Variants in STK3 observed in about 807,000 individuals in gnomAD.
The protein encoded by STK3 is serine/threonine kinase 3.
Under a neutral mutation model 58.0 loss-of-function variants are expected in STK3, and 41 were observed. The ratio of observed to expected loss-of-function variants is 0.71; its 90% CI spans 0.55 to 0.92. STK3 has a LOEUF of 0.92. Ranked by LOEUF, STK3 falls within the 40% of genes least tolerant of loss-of-function variation. The pLI is 0.00. For synonymous variants in STK3, 170 were observed against 191.0 expected (o/e 0.89, Z 0.91); for missense variants, 479 against 602.7 (o/e 0.79, Z 2.15).
intron 6 of STK3, among the ~76,000 whole-genome samples, chr8:98,653,808 C>G (rs1369123108): frequency 6.6e-6 from 1 of 152,110 alleles, no homozygotes; most frequent in Non-Finnish European, 1.5e-5. Context: ...CTGAATAGAA[C>G]AATAACAGGC....
chr8:98,715,413 A>G (rs993063217), intron 4 of STK3, among the ~76,000 whole-genome samples: 11 of 152,158 alleles, frequency 7.2e-5, no homozygotes, highest in Admixed American at 1.3e-4. Context: ...CAGAATCTAC[A>G]ATGAACTCAA....
intron 6 of STK3, among the ~76,000 whole-genome samples, chr8:98,635,819 G>C (rs2130557896): frequency 6.6e-6 from 1 of 151,912 alleles, no homozygotes; most frequent in East Asian, 1.9e-4. Context: ...ATTTTACTAT[G>C]CATCAGAATT....
chr8:98,587,910 A>G (rs1405748482), intron 7 of STK3, among the ~76,000 whole-genome samples: 1 of 152,128 alleles, frequency 6.6e-6, no homozygotes, highest in Non-Finnish European at 1.5e-5. Context: ...ATCAGAGACT[A>G]GGATTGCAAC....
intron 2 of STK3, among the ~76,000 whole-genome samples, chr8:98,769,452 G>A (rs944556609): frequency 7.9e-5 from 12 of 152,170 alleles, no homozygotes; most frequent in Non-Finnish European, 1.2e-4. Flanking sequence ...ATCCATGTAC[G>A]ATGTGACCTG....
chr8:98,478,001 T>C lies in STK3; in HGVS notation c.1318-22001A>G, dbSNP rs568247936. Among the ~76,000 whole-genome samples, 9 of 152,066 alleles carry C rather than the reference T, an allele frequency of 5.9e-5. No individual in the cohort carries two copies. In the East Asian group the frequency reaches 1.4e-3, roughly 23 times the overall value. On this transcript the variant is annotated intron_variant, in intron 10 of 10. Transcript: ENST00000419617. Reference sequence around the variant, plus strand: ...GCAGTCTACTCTAGAGTCTTGAGCATAGAGAGGTATAGGAAGAAAATTAAA... The same window carrying C: ...GCAGTCTACTCTAGAGTCTTGAGCACAGAGAGGTATAGGAAGAAAATTAAA...
intron 4 of STK3, chr8:98,721,159 T>G: frequency 7.2e-6 from 7 of 968,508 alleles, no homozygotes; most frequent in Non-Finnish European, 8.6e-6. Flanking sequence ...AGATGCTTAA[T>G]TCTGCTAAAA....
upstream of STK3, chr8:98,825,814 G>A (rs1564039896): frequency 1.8e-5 from 1 of 56,958 alleles, no homozygotes; most frequent in African/African-American, 7.2e-5. Context: ...CCCCGCCCCC[G>A]GCCGCCCCGC....
intron 6 of STK3, among the ~76,000 whole-genome samples, chr8:98,648,287 T>G (rs371842074): frequency 6.6e-6 from 1 of 152,214 alleles, no homozygotes; most frequent in Admixed American, 6.5e-5. Context: ...TTAATTGGTA[T>G]ACACAGAACT....
chr8:98,373,644 A>G (rs1159084133), intron 2 of STK3, among the ~76,000 whole-genome samples: 2 of 152,222 alleles, frequency 1.3e-5, no homozygotes, highest in Non-Finnish European at 2.9e-5. Context: ...TTGCCTGACC[A>G]TGTCGCTTCA....
chr8:98,741,846 T>TAAA (rs1468397282), intron 4 of STK3, among the ~76,000 whole-genome samples: 3 of 151,454 alleles, frequency 2.0e-5, no homozygotes, highest in Non-Finnish European at 4.4e-5. Flanking sequence ...GCAAGACTAA[T>TAAA]GAAGAAAAGA....
intron 3 of STK3, chr8:98,427,804 A>G: frequency 1.7e-6 from 1 of 590,810 alleles, no homozygotes; most frequent in South Asian, 2.1e-5. Context: ...CAGACCCCTC[A>G]AACTCTTGCC....
chr8:98,605,111 A>C (rs139290396), intron 6 of STK3, among the ~76,000 whole-genome samples: 4 of 152,280 alleles, frequency 2.6e-5, no homozygotes, highest in Middle Eastern at 3.4e-3. Flanking sequence ...GTCTCTAAGA[A>C]GTTCCAAACT....
At chr8:98,783,970 G>C (rs1463127981) in intron 1 of STK3, among the ~76,000 whole-genome samples, 1 of 152,148 alleles carries the variant, frequency 6.6e-6, no homozygotes, top group African/African-American at 2.4e-5. Flanking sequence ...GCATCCAATT[G>C]ATAAAAGTGA....
At chr8:98,667,119 C>T (rs1448318478) in intron 6 of STK3, among the ~76,000 whole-genome samples, 1 of 152,098 alleles carries the variant, frequency 6.6e-6, no homozygotes, top group Non-Finnish European at 1.5e-5. Context: ...ATAAAAACTT[C>T]AGCATAACTA....
At chr8:98,687,197 T>C (rs1384614519) in intron 6 of STK3, among the ~76,000 whole-genome samples, 1 of 152,182 alleles carries the variant, frequency 6.6e-6, no homozygotes, top group Non-Finnish European at 1.5e-5. Flanking sequence ...TCATATGACC[T>C]GTAAAGCAGC....
chr8:98,414,552 T>G (rs1437010322), intron 3 of STK3, among the ~76,000 whole-genome samples: 1 of 152,266 alleles, frequency 6.6e-6, no homozygotes, highest in Non-Finnish European at 1.5e-5. Context: ...TTTGTAGCTC[T>G]TTCCACATTG....
chr8:98,515,327 T>G (rs1216339328), intron 10 of STK3, among the ~76,000 whole-genome samples: 1 of 152,124 alleles, frequency 6.6e-6, no homozygotes, highest in Non-Finnish European at 1.5e-5. Flanking sequence ...TACTACTGCA[T>G]CATATCCAAT....
At chr8:98,739,971 G>A (rs1363747200) in intron 4 of STK3, among the ~76,000 whole-genome samples, 13 of 152,044 alleles carry the variant, frequency 8.6e-5, no homozygotes, top group African/African-American at 2.7e-4. Context: ...GAGCCGATGC[G>A]ATCAACTGGA....
chr8:98,519,467 A>G (rs1436743649), intron 10 of STK3, among the ~76,000 whole-genome samples: 1 of 148,902 alleles, frequency 6.7e-6, no homozygotes, highest in Non-Finnish European at 1.5e-5. Flanking sequence ...GGAGGGTGAA[A>G]AGACCCTGAG....
Sources: gnomAD v4.1 joint callset for allele counts (sites outside exome capture counted in the v4.1 genomes callset) on GRCh38, gnomAD v4.1.1 for gene constraint, MANE v1.5 for transcripts, NCBI Gene and HGNC (gene_info 2026-07-23, HGNC 2026-07-21) for gene names.